ITPRIPL1: variants seen among roughly 807,000 people sequenced by gnomAD.
ITPRIPL1 encodes the protein inositol 1,4,5-trisphosphate receptor-interacting protein-like 1.
Under a neutral mutation model 40.0 loss-of-function variants are expected in ITPRIPL1, and 28 were observed. The ratio of observed to expected loss-of-function variants is 0.70; its 90% CI spans 0.52 to 0.96. The LOEUF (loss-of-function observed/expected upper bound fraction) is 0.96. Ranked by LOEUF, ITPRIPL1 falls within the 40% of genes least tolerant of loss-of-function variation. ITPRIPL1 has a pLI of 0.00. For missense variants in ITPRIPL1, 638 were observed against 698.0 expected, an observed-to-expected ratio of 0.91 and a Z score of 0.97; for synonymous variants, 251 against 275.7, an observed-to-expected ratio of 0.91 and a Z score of 0.89.
At chr2:96,328,605 A>G (rs1259240177), downstream of ITPRIPL1, 4 of 272,256 alleles carry the variant, frequency 1.5e-5, no homozygotes, top group Non-Finnish European at 2.1e-5. Context: ...CCAGAGGGTC[A>G]CTGTGAAGTT....
Position 96,327,154 on chromosome 2 carries a change from TA to T in ITPRIPL1, c.524del (p.Tyr175LeufsTer79). 2 of 1,614,172 alleles carry T rather than the reference TA, an allele frequency of 1.2e-6. No individual in the cohort carries two copies. Among genetic ancestry groups the T allele is most frequent in the South Asian group, 2.2e-5 (2 of 91,078 alleles). Reference sequence around the variant, plus strand: ...GGCCCTGGACTCCTTTTACAAACACTATGTCCAAAATGCCATCCGTGACCTG... The same window carrying T: ...GGCCCTGGACTCCTTTTACAAACACTTGTCCAAAATGCCATCCGTGACCTG... The part of the protein sequence containing the change: ...QEALDSFYKH[Y>X]VQNAIRDLPC... On this transcript the variant is annotated frameshift_variant, in exon 3 of 3. Coordinates refer to ENST00000439118, the MANE Select transcript of ITPRIPL1 (RefSeq NM_001008949.3). LOFTEE classifies it high-confidence loss of function.
In ITPRIPL1 at chr2:96,327,362, C is replaced by T. The variant is rs769171556; in HGVS notation, c.731C>T (p.Pro244Leu). 7 of 1,614,046 alleles carry T rather than the reference C, an allele frequency of 4.3e-6. No individual in the cohort carries two copies. ...GATATCCTGGTGCCCATTGTCCCCC[C>T]ACAGGGCACCATGTTTGTCCTGGAG... Reference protein sequence around the residue: ...KFDILVPIVPPQGTMFVLEMR... With the variant: ...KFDILVPIVPLQGTMFVLEMR... Residue 244 changes from proline (P) to leucine (L), a missense_variant, in exon 3 of 3, where the codon CCA (proline) becomes CTA (leucine). Physicochemically the swap from Pro to Leu is moderately conservative, Grantham distance 98 (BLOSUM62 -3). Coordinates refer to ENST00000439118, the MANE Select transcript of ITPRIPL1 (RefSeq NM_001008949.3).
chr2:96,327,741 G>A lies in ITPRIPL1; in HGVS notation c.1110G>A (p.Val370=), dbSNP rs772762201. Residue 370 remains valine, a synonymous_variant, in exon 3 of 3, where the codon GTG becomes GTA. Transcript: ENST00000439118. ...RFLSIHLVLG[V]QREDTLVYLV... ...TCTCAATCCACTTGGTCCTGGGGGT[G>A]CAACGAGAAGACACCTTGGTCTACC... 7 of 1,613,470 alleles carry A rather than the reference G, an allele frequency of 4.3e-6. No individual in the cohort carries two copies. The highest frequency in any genetic ancestry group is 5.9e-6 in the Non-Finnish European group (7 of 1,179,704).
In ITPRIPL1 at chr2:96,327,813, G is replaced by C. The variant is rs748092469; in HGVS notation, c.1182G>C (p.Trp394Cys). 10 of 1,614,102 alleles carry C rather than the reference G, an allele frequency of 6.2e-6. No individual in the cohort carries two copies. Among genetic ancestry groups the C allele is most frequent in the Non-Finnish European group, 8.5e-6 (10 of 1,180,014 alleles). The change falls in exon 3 of 3, where the codon TGG (tryptophan) becomes TGC (cysteine). Residue 394 changes from tryptophan (W) to cysteine (C), a missense_variant. Transcript: ENST00000439118. The part of the protein sequence containing the change: ...PDQEQLTSVD[W>C]PESFVACEHL... ...AGGAGCAGCTCACCAGTGTGGACTG[G>C]CCTGAGTCCTTTGTGGCCTGTGAGC...
rs763490522 is a variant in ITPRIPL1, at chr2:96,327,513, A to T, written c.882A>T (p.Ala294=). The T allele has an allele frequency of 3.1e-6, 5 of 1,613,996 alleles. No individual in the cohort carries two copies. In the East Asian group the frequency reaches 1.1e-4, roughly 36 times the overall value. ...CLVHHHRDPS[A]VLGKCSSSIK... is the part of the protein sequence containing the mutation. ...TGCACCACCACAGGGACCCCTCGGC[A>T]GTCTTGGGGAAGTGTAGTAGCTCCA... Residue 294 remains alanine (A), a synonymous_variant, in exon 3 of 3, where the codon GCA becomes GCT. Coordinates refer to ENST00000439118, the MANE Select transcript of ITPRIPL1 (RefSeq NM_001008949.3).
At chr2:96,326,474 T>C in intron 2 of ITPRIPL1, 168 bp from the exon 3 acceptor site, 2 of 1,544,530 alleles carry the variant, frequency 1.3e-6, no homozygotes, top group South Asian at 1.3e-5. Context: ...TCGAACCTCC[T>C]CCCAGGCCGA....
At chr2:96,326,540 C>A in intron 2 of ITPRIPL1, 102 bp from the exon 3 acceptor site, 1 of 1,574,804 alleles carries the variant, frequency 6.3e-7, no homozygotes, top group Non-Finnish European at 8.6e-7. Flanking sequence ...TCCTGAGTAG[C>A]TGATTTTCAG....
chr2:96,326,839 C>T lies in ITPRIPL1; in HGVS notation c.208C>T (p.Gln70Ter). Residue 70 changes from glutamine (Q) to a stop codon, truncating the protein, a stop_gained, in exon 3 of 3, where the codon CAG becomes TAG. Coordinates refer to ENST00000439118, the MANE Select transcript of ITPRIPL1 (RefSeq NM_001008949.3). LOFTEE classifies it high-confidence loss of function. Reference sequence around the variant, plus strand: ...GAGAAAGCGAGCCGCTGAGCAGAGGCAGAAGGCAGAGAACTTCTGGACAGG... The same window carrying T: ...GAGAAAGCGAGCCGCTGAGCAGAGGTAGAAGGCAGAGAACTTCTGGACAGG... ...EERKRAAEQR[Q>*]KAENFWTGDT... 1.9e-6 allele frequency: 3 copies of T among 1,614,214 alleles called. No individual in the cohort carries two copies. The highest frequency in any genetic ancestry group is 8.5e-7 in the Non-Finnish European group (1 of 1,180,032).
Position 96,326,982 on chromosome 2 carries a change from C to T in ITPRIPL1, c.351C>T (p.Leu117=), listed in dbSNP as rs1011890028. 1.2e-6 allele frequency: 2 copies of T among 1,614,100 alleles called. No individual in the cohort carries two copies. Among genetic ancestry groups the T allele is most frequent in the African/African-American group, 1.3e-5 (1 of 74,922 alleles). ...TGGGAAACCTGTGGAACACTGGCCTCTTTTGCCTTTTTCTCGTCTTTGAGC... is the reference window on the plus strand; with the variant it reads ...TGGGAAACCTGTGGAACACTGGCCTTTTTTGCCTTTTTCTCGTCTTTGAGC... ...WMLGNLWNTG[L]FCLFLVFELL... The change falls in exon 3 of 3, where the codon CTC becomes CTT. Residue 117 remains leucine (L), a synonymous_variant. Transcript: ENST00000439118.
Position 96,325,482 on chromosome 2 carries a change from G to A in ITPRIPL1, c.-177G>A. Reference sequence around the variant, plus strand: ...CCGCGGGCGGCCCCAGCGATGAACCGGACGCCCCCACCCTGCCGGGAAAAA... The same window carrying A: ...CCGCGGGCGGCCCCAGCGATGAACCAGACGCCCCCACCCTGCCGGGAAAAA... On this transcript the variant is annotated 5_prime_UTR_variant, in exon 1 of 3. Transcript: ENST00000439118. 1 of 362,480 alleles carries A rather than the reference G, an allele frequency of 2.8e-6. No individual in the cohort carries two copies. The highest frequency in any genetic ancestry group is 5.2e-6 in the Non-Finnish European group (1 of 193,674). 22.5% of individuals were successfully genotyped at this position (362,480 alleles called of 1,614,324 possible).
Position 96,327,348 on chromosome 2 carries a change from G to A in ITPRIPL1, c.717G>A (p.Val239=). The A allele has an allele frequency of 1.2e-6, 2 of 1,614,110 alleles. No homozygotes were observed. The highest frequency in any genetic ancestry group is 1.1e-5 in the South Asian group (1 of 91,072). ...LHETQKFDIL[V]PIVPPQGTMF... ...AGACCCAGAAATTTGATATCCTGGT[G>A]CCCATTGTCCCCCCACAGGGCACCA... The change falls in exon 3 of 3, where the codon GTG becomes GTA. Residue 239 remains valine, a synonymous_variant. Transcript: ENST00000439118.
chr2:96,326,938 G>C lies in ITPRIPL1; in HGVS notation c.307G>C (p.Gly103Arg). 6.2e-7 allele frequency: 1 copy of C among 1,614,242 alleles called. No individual in the cohort carries two copies. Among genetic ancestry groups the C allele is most frequent in the Non-Finnish European group, 8.5e-7 (1 of 1,180,044 alleles). Residue 103 changes from glycine (G) to arginine (R), a missense_variant, in exon 3 of 3, where the codon GGG becomes CGG. Gly to Arg is a moderately radical substitution (Grantham distance 125). Transcript: ENST00000439118. ...GWPFQADGQE[G>R]PLGWMLGNLW... ...GCCGTTCCAGGCCGATGGCCAGGAA[G>C]GGCCTCTGGGCTGGATGCTGGGAAA...
Position 96,327,038 on chromosome 2 carries a change from C to A in ITPRIPL1, c.407C>A (p.Ala136Asp). 6.2e-7 allele frequency: 1 copy of A among 1,614,224 alleles called. No homozygotes were observed. Among genetic ancestry groups the A allele is most frequent in the Non-Finnish European group, 8.5e-7 (1 of 1,180,042 alleles). Residue 136 changes from alanine to aspartate, a missense_variant, in exon 3 of 3, where the codon GCC becomes GAC. Transcript: ENST00000439118. ...CGACAGAACATGCAGCATGAACCGG[C>A]CTTTGATTCCAGCAGTGAGGAGGAG... Reference protein sequence around the residue: ...LLRQNMQHEPAFDSSSEEEEE... With the variant: ...LLRQNMQHEPDFDSSSEEEEE...
At chr2:96,328,575 T>C, downstream of ITPRIPL1, 1 of 350,684 alleles carries the variant, frequency 2.9e-6, no homozygotes. Context: ...GGGAGGATCT[T>C]GCTGCTAAGG....
At chr2:96,329,148 A>ATT (rs1558782478), downstream of ITPRIPL1, 2 of 85,296 alleles carry the variant, frequency 2.3e-5, no homozygotes, top group Non-Finnish European at 4.4e-5. Context: ...AAAAAAAAAA[A>ATT]TTATATATAT....
Position 96,327,416 on chromosome 2 carries a change from G to A in ITPRIPL1, c.785G>A (p.Cys262Tyr). The A allele has an allele frequency of 6.2e-7, 1 of 1,613,982 alleles. No homozygotes were observed. Among genetic ancestry groups the A allele is most frequent in the Non-Finnish European group, 8.5e-7 (1 of 1,179,916 alleles). ...EMRDPALGRR[C>Y]GCVLVESECV... is the part of the protein sequence containing the mutation. The stretch of plus-strand genomic sequence containing the variant: ...AGGGACCCAGCCCTGGGCCGCCGCT[G>A]TGGCTGTGTGCTGGTGGAGTCAGAA... Residue 262 changes from cysteine to tyrosine, a missense_variant, in exon 3 of 3, where the codon TGT becomes TAT. Cys to Tyr is a radical substitution (Grantham distance 194). Transcript: ENST00000439118.
chr2:96,329,066 G>T (rs2064141533), downstream of ITPRIPL1: 2 of 149,288 alleles, frequency 1.3e-5, no homozygotes, highest in Non-Finnish European at 3.0e-5. Context: ...AGCCCCAGTG[G>T]TGGAGGTTGC....
In ITPRIPL1 at chr2:96,327,438, A is replaced by G. The variant is rs1476912186; in HGVS notation, c.807A>G (p.Ser269=). The change falls in exon 3 of 3, where the codon TCA becomes TCG. Residue 269 remains serine, a synonymous_variant. Coordinates refer to ENST00000439118, the MANE Select transcript of ITPRIPL1 (RefSeq NM_001008949.3). The stretch of plus-strand genomic sequence containing the variant: ...GCTGTGGCTGTGTGCTGGTGGAGTC[A>G]GAATGTGTGTGCAAGCGTGAGAAAC... ...GRRCGCVLVE[S]ECVCKREKLL... is the part of the protein sequence containing the mutation. 5.0e-6 allele frequency: 8 copies of G among 1,614,010 alleles called. No homozygotes were observed. In the East Asian group the frequency reaches 1.8e-4, roughly 36 times the overall value.
At position 96,325,513 on chromosome 2, in the gene ITPRIPL1, T is replaced by C. The variant is rs897750379; in HGVS notation, c.-146T>C. On this transcript the variant is annotated 5_prime_UTR_variant, in exon 1 of 3. Transcript: ENST00000439118. ...CCCCACCCTGCCGGGAAAAAAGCAG[T>C]GGCGGTCAGGCCGCGCTGTCTCTTT... is the stretch of plus-strand genomic sequence containing the variant. The C allele has an allele frequency of 1.4e-5, 6 of 440,324 alleles. No individual in the cohort carries two copies. The South Asian group carries it at 1.5e-4, about 11-fold the overall frequency. The allele number at this position is 440,324 out of a possible 1,614,324, so 27.3% of individuals were successfully genotyped here.
Sources: gnomAD v4.1 joint callset for allele counts on GRCh38, gnomAD v4.1.1 for gene constraint, MANE v1.5 for transcripts, NCBI Gene and HGNC (gene_info 2026-07-23, HGNC 2026-07-21) for gene names.